NOL9: variants seen among roughly 807,000 people sequenced by gnomAD.
The protein encoded by NOL9 is polynucleotide 5'-hydroxyl-kinase NOL9.
Under a neutral mutation model 67.9 loss-of-function variants are expected in NOL9, and 28 were observed. The ratio of observed to expected loss-of-function variants is 0.41; its 90% CI spans 0.31 to 0.57. The LOEUF is 0.57. NOL9 is among the 20% of genes least tolerant of loss of function. The probability of loss-of-function intolerance (pLI) is 0.25; values close to 1 mark genes in which losing one functional copy is unlikely to be tolerated. For missense variants in NOL9, 777 were observed against 897.0 expected, an observed-to-expected ratio of 0.87 and a Z score of 1.71; for synonymous variants, 356 against 352.2, an observed-to-expected ratio of 1.01 and a Z score of -0.12.
At chr1:6,538,233 G>A (rs1173223119) in intron 6 of NOL9, among the ~76,000 whole-genome samples, 4 of 152,018 alleles carry the variant, frequency 2.6e-5, no homozygotes, top group Non-Finnish European at 5.9e-5. Flanking sequence ...TGCATCAAAG[G>A]TTATTGTCAA....
Position 6,525,885 on chromosome 1 carries a change from C to T in NOL9, c.2078G>A (p.Arg693Gln), listed in dbSNP as rs368074969. Residue 693 changes from arginine to glutamine, a missense_variant, in exon 12 of 12, where the codon CGA becomes CAA. This residue lies in a region of NOL9 where 413 missense variants were observed against 552.6 expected (regional missense o/e 0.75). Coordinates refer to ENST00000377705, the MANE Select transcript of NOL9 (RefSeq NM_024654.5). ...PEEAHKEKPYRRPKFCRKMK is the reference protein window; with the variant it reads ...PEEAHKEKPYQRPKFCRKMK ...CATTTTTCGACAGAACTTAGGTCTT[C>T]GGTATGGTTTCTCTTTATGTGCCTC... 8 of 1,614,108 alleles carry T rather than the reference C, an allele frequency of 5.0e-6. No homozygotes were observed. Among genetic ancestry groups the T allele is most frequent in the Admixed American group, 3.3e-5 (2 of 60,000 alleles).
chr1:6,541,684 G>A (rs1281427781), intron 6 of NOL9, 146 bp downstream of exon 6: 1 of 414,974 alleles, frequency 2.4e-6, no homozygotes, highest in Non-Finnish European at 4.2e-6. Flanking sequence ...TTGGAGGTTA[G>A]AGGAACAAGT....
Position 6,545,127 on chromosome 1 carries a change from G to C in NOL9, c.798C>G (p.Ile266Met). ...PEYLALRSVG[I>M]RREKKRKGLQ... ...GGCCTTTCCTTTTTTTCTCTCTTCT[G>C]ATGCCAACAGACCTCAAGGCTAAAT... Residue 266 changes from isoleucine to methionine, a missense_variant, in exon 4 of 12, where the codon ATC becomes ATG. Around this residue, in one of 2 missense-constraint regions of NOL9, gnomAD observed 413 missense variants for 552.6 expected, o/e 0.75. Coordinates refer to ENST00000377705, the MANE Select transcript of NOL9 (RefSeq NM_024654.5). The C allele has an allele frequency of 6.2e-7, 1 of 1,614,046 alleles. No individual in the cohort carries two copies. Among genetic ancestry groups the C allele is most frequent in the Non-Finnish European group, 8.5e-7 (1 of 1,179,978 alleles).
chr1:6,542,079 T>C, intron 5 of NOL9, 152 bp from the exon 6 acceptor site: 1 of 470,656 alleles, frequency 2.1e-6, no homozygotes, highest in East Asian at 3.2e-5. Flanking sequence ...TGACAATCGC[T>C]GTTTAAAAAC....
In NOL9 at chr1:6,554,327, C is replaced by A. The variant is rs747301161; in HGVS notation, c.176G>T (p.Gly59Val). ...RWRLLQAQAS[G>V]VDWREGARQV... The stretch of plus-strand genomic sequence containing the variant: ...GCGGGCTCCCTCCCTCCAGTCCACG[C>A]CGGACGCCTGGGCTTGCAGTAACCG... Residue 59 changes from glycine to valine, a missense_variant, in exon 1 of 12, where the codon GGC becomes GTC. Physicochemically the swap from Gly to Val is moderately radical, Grantham distance 109. Coordinates refer to ENST00000377705, the MANE Select transcript of NOL9 (RefSeq NM_024654.5). The A allele has an allele frequency of 6.8e-7, 1 of 1,472,464 alleles. No individual in the cohort carries two copies. Among genetic ancestry groups the A allele is most frequent in the Admixed American group, 2.6e-5 (1 of 38,052 alleles). 91.2% of individuals were successfully genotyped at this position (1,472,464 alleles called of 1,614,324 possible). A position where few individuals can be genotyped will look rare whatever the true frequency, so the allele number is the denominator to read the frequency against.
intron 8 of NOL9, 148 bp from the exon 9 acceptor site, chr1:6,532,227 A>G (rs1639045605): frequency 2.7e-6 from 2 of 740,638 alleles, no homozygotes; most frequent in South Asian, 3.6e-5. Context: ...AAAAACAGGA[A>G]GTGTAAAGAC....
At position 6,532,456 on chromosome 1, in the gene NOL9, T is replaced by C; in HGVS notation, c.1535+7A>G. 1 of 1,602,734 alleles carries C rather than the reference T, an allele frequency of 6.2e-7. No homozygotes were observed. Among genetic ancestry groups the C allele is most frequent in the Non-Finnish European group, 8.5e-7 (1 of 1,172,584 alleles). On this transcript the variant is annotated splice_region_variant and intron_variant, in intron 8 of 11. Transcript: ENST00000377705. Reference sequence around the variant, plus strand: ...AATAATTCTTCAGCCAAATGAGGGTTAGTTACCTATTTCTTGGAGTTATTC... The same window carrying C: ...AATAATTCTTCAGCCAAATGAGGGTCAGTTACCTATTTCTTGGAGTTATTC...
chr1:6,553,394 C>T (rs889624429), intron 1 of NOL9, among the ~76,000 whole-genome samples: 1 of 152,174 alleles, frequency 6.6e-6, no homozygotes, highest in African/African-American at 2.4e-5. Flanking sequence ...CCTCAGTCTC[C>T]TCGTCTGTAA....
At chr1:6,538,558 G>C (rs1639206463) in intron 6 of NOL9, among the ~76,000 whole-genome samples, 1 of 151,950 alleles carries the variant, frequency 6.6e-6, no homozygotes, top group Admixed American at 6.6e-5. Flanking sequence ...TATAATCCCA[G>C]CTACTCGGGA....
chr1:6,539,995 T>G (rs1002002708), intron 6 of NOL9, among the ~76,000 whole-genome samples: 1 of 151,852 alleles, frequency 6.6e-6, no homozygotes, highest in Admixed American at 6.6e-5. Context: ...GGAGTTACTC[T>G]TTTTTTTGAG....
Position 6,541,010 on chromosome 1 carries a change from C to CTTTTTTTTTTT in NOL9, c.1075+819_1075+820insAAAAAAAAAAA, listed in dbSNP as rs1287698159. The CTTTTTTTTTTT allele has an allele frequency of 1.9e-4, 23 of 123,092 alleles. 10 individuals carry two copies. The highest frequency in any genetic ancestry group is 1.8e-4 in the African/African-American group (6 of 32,590). The allele number at this position is 123,092 out of a possible 1,614,324, so 7.6% of individuals were successfully genotyped here. On this transcript the variant is annotated intron_variant, in intron 6 of 11. Coordinates refer to ENST00000377705, the MANE Select transcript of NOL9 (RefSeq NM_024654.5). Reference sequence around the variant, plus strand: ...ATAAAATCTGTAGACTGGTTAACAGCGTTTTTTTTTTTTTTTTTTTTTTTG... The same window carrying CTTTTTTTTTTT: ...ATAAAATCTGTAGACTGGTTAACAGCTTTTTTTTTTTGTTTTTTTTTTTTTTTTTTTTTTTG...
chr1:6,539,877 A>T (rs1639238592), intron 6 of NOL9, among the ~76,000 whole-genome samples: 2 of 152,224 alleles, frequency 1.3e-5, no homozygotes, highest in South Asian at 4.1e-4. Context: ...GTATTGTGTG[A>T]CTCCACTTAC....
intron 6 of NOL9, among the ~76,000 whole-genome samples, chr1:6,533,869 A>G (rs1336638296): frequency 6.6e-6 from 1 of 151,844 alleles, no homozygotes. Context: ...GGCCCTTCAC[A>G]TATAGCCTCT....
Position 6,525,611 on chromosome 1 carries a change from C to T in NOL9, c.*243G>A, listed in dbSNP as rs1166407711. On this transcript the variant is annotated 3_prime_UTR_variant, in exon 12 of 12. Coordinates refer to ENST00000377705, the MANE Select transcript of NOL9 (RefSeq NM_024654.5). ...TTAATGGCACACAAACTGTTCTCTGCTGTTTTACTCCCTCTGGACAGCAAG... is the reference window on the plus strand; with the variant it reads ...TTAATGGCACACAAACTGTTCTCTGTTGTTTTACTCCCTCTGGACAGCAAG... 4.0e-6 allele frequency: 2 copies of T among 499,566 alleles called. No individual in the cohort carries two copies. The highest frequency in any genetic ancestry group is 6.6e-5 in the Admixed American group (2 of 30,290). The allele number at this position is 499,566 out of a possible 1,614,324, so 30.9% of individuals were successfully genotyped here.
chr1:6,528,931 C>T (rs1445913883), intron 10 of NOL9, 63 bp downstream of exon 10: 1 of 1,517,414 alleles, frequency 6.6e-7, no homozygotes, highest in African/African-American at 1.4e-5. Context: ...GACCAGTCAT[C>T]TACAGTTGAA....
intron 5 of NOL9, among the ~76,000 whole-genome samples, chr1:6,543,249 G>A (rs1171188058): frequency 6.7e-6 from 1 of 149,574 alleles, no homozygotes; most frequent in Non-Finnish European, 1.5e-5. Flanking sequence ...ACGCTGGAGT[G>A]CAGCGGCACC....
In NOL9 at chr1:6,523,364, G is replaced by A. The variant is rs978012660; in HGVS notation, c.*2490C>T. 1 of 151,460 alleles carries A rather than the reference G, an allele frequency of 6.6e-6. No homozygotes were observed. Among genetic ancestry groups the A allele is most frequent in the Non-Finnish European group, 1.5e-5 (1 of 67,938 alleles). 9.4% of individuals were successfully genotyped at this position (151,460 alleles called of 1,614,324 possible). On this transcript the variant is annotated 3_prime_UTR_variant, in exon 12 of 12. Transcript: ENST00000377705. The stretch of plus-strand genomic sequence containing the variant: ...GGAGGCCAAGGCAGGTGGATCACCT[G>A]AGGACAGGAGTTCAAAACCAGCCTG...
At chr1:6,537,309 C>T (rs1296630073) in intron 6 of NOL9, among the ~76,000 whole-genome samples, 1 of 152,056 alleles carries the variant, frequency 6.6e-6, no homozygotes, top group Non-Finnish European at 1.5e-5. Flanking sequence ...GGAAAAGCTT[C>T]ATGACACTGG....
intron 1 of NOL9, among the ~76,000 whole-genome samples, chr1:6,553,798 T>C (rs4908921): frequency 0.8 from 121,374 of 152,014 alleles, 49,407 homozygotes; most frequent in Non-Finnish European, 0.87. Context: ...GCCGAGATTG[T>C]GCCACTGCAC....
Sources: allele counts gnomAD v4.1 joint callset (sites outside exome capture counted in the v4.1 genomes callset), GRCh38; gene constraint gnomAD v4.1.1; regional missense constraint gnomAD v4.1.1; transcripts MANE v1.5; gene names NCBI Gene and HGNC (gene_info 2026-07-23, HGNC 2026-07-21).